SLCO6A1: variants seen among roughly 807,000 people sequenced by gnomAD.
SLCO6A1 encodes the protein cancer/testis antigen 48.
SLCO6A1 carries 65 observed loss-of-function variants against 72.7 expected under a neutral mutation model. The observed-to-expected ratio is 0.89, with a 90% confidence interval of 0.73 to 1.10. SLCO6A1 has a LOEUF of 1.10. SLCO6A1 is among the 50% of genes least tolerant of loss of function. SLCO6A1 has a pLI of 0.00. For synonymous variants in SLCO6A1, 314 were observed against 298.2 expected (o/e 1.05, Z -0.55); for missense variants, 874 against 872.6 (o/e 1.00, Z -0.02).
intron 6 of SLCO6A1, among the ~76,000 whole-genome samples, chr5:102,449,330 A>C (rs1184685776): frequency 6.6e-6 from 1 of 151,348 alleles, no homozygotes; most frequent in Non-Finnish European, 1.5e-5. Context: ...AGATCTGATA[A>C]CTATGTCTCT....
intron 4 of SLCO6A1, among the ~76,000 whole-genome samples, chr5:102,473,302 T>C (rs781274947): frequency 1.9e-4 from 29 of 152,064 alleles, no homozygotes; most frequent in Non-Finnish European, 2.8e-4. Context: ...GTTTCTGGAA[T>C]ATAAAGATGG....
chr5:102,471,322 TAG>T (rs1751600445), intron 4 of SLCO6A1, among the ~76,000 whole-genome samples: 1 of 152,014 alleles, frequency 6.6e-6, no homozygotes, highest in Non-Finnish European at 1.5e-5. Flanking sequence ...CATAAATCAA[TAG>T]AGATTTATAC....
intron 12 of SLCO6A1, among the ~76,000 whole-genome samples, chr5:102,384,837 T>C (rs1463240676): frequency 6.6e-6 from 1 of 152,098 alleles, no homozygotes; most frequent in African/African-American, 2.4e-5. Flanking sequence ...TTTCATGTGG[T>C]TAGTTAGCAA....
intron 1 of SLCO6A1, among the ~76,000 whole-genome samples, chr5:102,491,250 T>C (rs758541160): frequency 6.6e-6 from 1 of 152,186 alleles, no homozygotes; most frequent in Admixed American, 6.5e-5. Flanking sequence ...AGAGTGCTGA[T>C]TGGTGTATTT....
chr5:102,492,045 G>A (rs1752707917), intron 1 of SLCO6A1, among the ~76,000 whole-genome samples: 1 of 152,208 alleles, frequency 6.6e-6, no homozygotes, highest in Non-Finnish European at 1.5e-5. Context: ...GAGAGTGAAG[G>A]GGAAGTGCTG....
At chr5:102,395,610 C>T (rs1043894492) in intron 10 of SLCO6A1, among the ~76,000 whole-genome samples, 11 of 152,000 alleles carry the variant, frequency 7.2e-5, no homozygotes, top group Non-Finnish European at 1.2e-4. Context: ...CCTAAGGAAT[C>T]GCCACACTGA....
chr5:102,395,745 A>G (rs1203183026), intron 10 of SLCO6A1, among the ~76,000 whole-genome samples: 1 of 152,100 alleles, frequency 6.6e-6, no homozygotes, highest in Non-Finnish European at 1.5e-5. Flanking sequence ...AACTGGTGTG[A>G]GATGGTATCT....
intron 9 of SLCO6A1, among the ~76,000 whole-genome samples, chr5:102,401,695 T>A (rs1471769267): frequency 6.6e-6 from 1 of 152,044 alleles, no homozygotes; most frequent in African/African-American, 2.4e-5. Flanking sequence ...TAAGAGAAAC[T>A]ATGACTTTTA....
chr5:102,475,907 A>G (rs1336694323), intron 3 of SLCO6A1, 114 bp from the exon 4 acceptor site: 1 of 628,704 alleles, frequency 1.6e-6, no homozygotes, highest in South Asian at 2.7e-5. Flanking sequence ...ATTCTGTATT[A>G]GTCAGAGCTC....
intron 8 of SLCO6A1, 32 bp downstream of exon 8, chr5:102,419,794 T>C (rs1452096537): frequency 1.3e-6 from 2 of 1,515,006 alleles, no homozygotes; most frequent in African/African-American, 1.4e-5. Context: ...AGGATTTTGA[T>C]GTAAAAGTCT....
At chr5:102,404,179 A>C (rs1176333693) in intron 9 of SLCO6A1, among the ~76,000 whole-genome samples, 1 of 152,184 alleles carries the variant, frequency 6.6e-6, no homozygotes, top group Non-Finnish European at 1.5e-5. Context: ...AGGTTGTTTG[A>C]TATGTATTCT....
chr5:102,492,947 T>C (rs1044908232), intron 1 of SLCO6A1, among the ~76,000 whole-genome samples: 1 of 152,124 alleles, frequency 6.6e-6, no homozygotes, highest in Non-Finnish European at 1.5e-5. Flanking sequence ...CTCTGTAGAC[T>C]CCACCTCTAG....
chr5:102,463,852 C>T (rs1374528274), intron 4 of SLCO6A1, among the ~76,000 whole-genome samples: 1 of 150,086 alleles, frequency 6.7e-6, no homozygotes, highest in East Asian at 2.0e-4. Context: ...CGCCATTGCA[C>T]TCCAGCCTGG....
At chr5:102,471,470 C>T (rs1006752688) in intron 4 of SLCO6A1, among the ~76,000 whole-genome samples, 3 of 152,062 alleles carry the variant, frequency 2.0e-5, no homozygotes, top group African/African-American at 4.8e-5. Context: ...CCTTTCTGAA[C>T]ATTCACACGC....
At chr5:102,410,351 C>T (rs147696338) in intron 9 of SLCO6A1, among the ~76,000 whole-genome samples, 1 of 152,238 alleles carries the variant, frequency 6.6e-6, no homozygotes, top group Non-Finnish European at 1.5e-5. Flanking sequence ...TCTGGCTGAT[C>T]CCAGGGCTTT....
chr5:102,420,124 A>T (rs766185318), intron 7 of SLCO6A1, 103 bp from the exon 8 acceptor site: 12 of 958,926 alleles, frequency 1.3e-5, no homozygotes, highest in African/African-American at 1.7e-5. Flanking sequence ...TATAGCAAAC[A>T]TGTATTTAAA....
At chr5:102,476,151 A>G (rs536117066) in intron 3 of SLCO6A1, among the ~76,000 whole-genome samples, 1 of 152,210 alleles carries the variant, frequency 6.6e-6, no homozygotes, top group South Asian at 2.1e-4. Flanking sequence ...ATAAATCACC[A>G]CTAAAGAGCT....
At chr5:102,395,448 C>T (rs1747019849) in intron 10 of SLCO6A1, among the ~76,000 whole-genome samples, 1 of 152,104 alleles carries the variant, frequency 6.6e-6, no homozygotes, top group Admixed American at 6.5e-5. Context: ...CATTGTTGAA[C>T]ATTTGGGTTG....
chr5:102,401,441 C>A (rs1217564917), intron 9 of SLCO6A1, among the ~76,000 whole-genome samples: 2 of 152,032 alleles, frequency 1.3e-5, no homozygotes, highest in African/African-American at 2.4e-5. Context: ...TTTAAAAGAT[C>A]ATTGTGACTG....
Sources: gnomAD v4.1 joint callset for allele counts (sites outside exome capture counted in the v4.1 genomes callset) on GRCh38, gnomAD v4.1.1 for gene constraint, MANE v1.5 for transcripts, NCBI Gene and HGNC (gene_info 2026-07-23, HGNC 2026-07-21) for gene names.